Variants in NCKAP1L observed in about 807,000 individuals in gnomAD.
NCKAP1L encodes nck-associated protein 1-like.
In NCKAP1L, 53 loss-of-function variants were observed where a neutral mutation model predicts 139.2. That is an observed-to-expected ratio of 0.38 (90% CI 0.31 to 0.48). The LOEUF (loss-of-function observed/expected upper bound fraction) is 0.48, where lower values mean the gene tolerates loss of function less well. Ranked by LOEUF, NCKAP1L falls within the 20% of genes least tolerant of loss-of-function variation. The probability of loss-of-function intolerance (pLI) is 0.98; values close to 1 mark genes in which losing one functional copy is unlikely to be tolerated. For synonymous variants in NCKAP1L, 468 were observed against 499.7 expected (o/e 0.94, Z 0.85); for missense variants, 1,151 against 1,381.9 (o/e 0.83, Z 2.65).
intron 21 of NCKAP1L, 61 bp downstream of exon 21, chr12:54,526,807 GGTA>G: frequency 2.1e-6 from 3 of 1,442,750 alleles, no homozygotes; most frequent in Non-Finnish European, 2.9e-6. Context: ...TCCTTTACAC[GGTA>G]GGACCTCAGG....
intron 20 of NCKAP1L, among the ~76,000 whole-genome samples, chr12:54,525,457 T>C (rs745874929): frequency 2.0e-5 from 3 of 152,162 alleles, no homozygotes; most frequent in Non-Finnish European, 4.4e-5. Flanking sequence ...AGTTTGATAA[T>C]GGCCCATGTG....
chr12:54,510,103 G>A, intron 7 of NCKAP1L, 118 bp downstream of exon 7: 1 of 1,343,098 alleles, frequency 7.4e-7, no homozygotes, highest in Non-Finnish European at 1.0e-6. Flanking sequence ...TCTTCTTCTA[G>A]GGTATGTCTC....
intron 28 of NCKAP1L, 199 bp downstream of exon 28, chr12:54,536,444 C>T (rs1018419119): frequency 2.1e-6 from 1 of 469,602 alleles, no homozygotes; most frequent in Non-Finnish European, 3.9e-6. Context: ...GTGGGTAGAT[C>T]ACTTGAGCCC....
intron 21 of NCKAP1L, 75 bp from the exon 22 acceptor site, chr12:54,528,172 A>G: frequency 6.5e-7 from 1 of 1,533,952 alleles, no homozygotes; most frequent in East Asian, 2.3e-5. Flanking sequence ...TTCTGAGCTC[A>G]GTGGTAGTAG....
At position 54,521,009 on chromosome 12, in the gene NCKAP1L, A is replaced by G. The variant is rs190984396; in HGVS notation, c.1759-110A>G. The G allele has an allele frequency of 3.2e-4, 497 of 1,547,272 alleles. 1 individual carries two copies. The African/African-American group carries it at 6.1e-3, about 19-fold the overall frequency. On this transcript the variant is annotated intron_variant, in intron 17 of 30. Transcript: ENST00000293373. ...GGCCTCAGTTTCTTCTTCTGTAGGA[A>G]TGGGTAGGAATCTTCTGTAAGATTC... is the stretch of plus-strand genomic sequence containing the variant.
chr12:54,543,750 G>A lies in NCKAP1L; in HGVS notation c.*1065G>A, dbSNP rs1313483877. 6.6e-6 allele frequency: 1 copy of A among 152,192 alleles called. No individual in the cohort carries two copies. Among genetic ancestry groups the A allele is most frequent in the Non-Finnish European group, 1.5e-5 (1 of 68,034 alleles). The allele number at this position is 152,192 out of a possible 1,614,324, so 9.4% of individuals were successfully genotyped here. ...ACAGAGCCTGGGGGCTTTCAAGATAGCACTAAACTAGGTTTACTTAACTCC... is the reference window on the plus strand; with the variant it reads ...ACAGAGCCTGGGGGCTTTCAAGATAACACTAAACTAGGTTTACTTAACTCC... On this transcript the variant is annotated 3_prime_UTR_variant, in exon 31 of 31. Coordinates refer to ENST00000293373, the MANE Select transcript of NCKAP1L (RefSeq NM_005337.5).
At position 54,533,229 on chromosome 12, in the gene NCKAP1L, C is replaced by A. The variant is rs1349821615; in HGVS notation, c.2862+979C>A. ...TCCAAATGCTCTAGGCTGTCAGGAG[C>A]TTGTCTAGCTGATATCTCCTGGGTA... On this transcript the variant is annotated intron_variant, in intron 26 of 30. Coordinates refer to ENST00000293373, the MANE Select transcript of NCKAP1L (RefSeq NM_005337.5). Among the ~76,000 whole-genome samples the A allele has an allele frequency of 2.6e-5, 4 of 152,282 alleles. No individual in the cohort carries two copies. The South Asian group carries it at 6.2e-4, about 24-fold the overall frequency.
chr12:54,514,503 A>G (rs1352258269), intron 9 of NCKAP1L, among the ~76,000 whole-genome samples: 1 of 151,954 alleles, frequency 6.6e-6, no homozygotes, highest in Non-Finnish European at 1.5e-5. Flanking sequence ...TTGTATTTTT[A>G]GTAGAGACGG....
intron 3 of NCKAP1L, among the ~76,000 whole-genome samples, chr12:54,501,654 G>T (rs1249391): frequency 0.8 from 121,710 of 152,064 alleles, 49,467 homozygotes; most frequent in East Asian, 1. Context: ...AAAGGCACAT[G>T]CCACCACACC....
At position 54,523,539 on chromosome 12, in the gene NCKAP1L, A is replaced by C. The variant is rs550339580; in HGVS notation, c.2024A>C (p.Asn675Thr). The C allele has an allele frequency of 1.6e-5, 26 of 1,612,170 alleles. 1 individual carries two copies. In the South Asian group the frequency reaches 2.9e-4, roughly 18 times the overall value. ...SHRKNRSIVT[N>T]MDKLHLNLTE... is the part of the protein sequence containing the mutation. ...CGGAAGAACCGCAGCATTGTCACCAAGTGAGGACCTGGGCCCTAGATGGCC... is the reference window on the plus strand; with the variant it reads ...CGGAAGAACCGCAGCATTGTCACCACGTGAGGACCTGGGCCCTAGATGGCC... Residue 675 changes from asparagine (N) to threonine (T), a missense_variant and splice_region_variant, in exon 19 of 31, where the codon AAC becomes ACC. By Grantham distance (65) the Asn-to-Thr change is moderately conservative. Coordinates refer to ENST00000293373, the MANE Select transcript of NCKAP1L (RefSeq NM_005337.5).
At chr12:54,513,045 A>G (rs939011430) in intron 9 of NCKAP1L, among the ~76,000 whole-genome samples, 3 of 152,202 alleles carry the variant, frequency 2.0e-5, no homozygotes, top group Non-Finnish European at 4.4e-5. Flanking sequence ...GTTTGAATCC[A>G]TCCCAAAGAG....
chr12:54,540,039 C>A (rs189597128), intron 30 of NCKAP1L, among the ~76,000 whole-genome samples: 1 of 152,314 alleles, frequency 6.6e-6, no homozygotes, highest in Non-Finnish European at 1.5e-5. Context: ...CTTCCCTTCA[C>A]CCTGTTCTGG....
rs753534065 is a variant in NCKAP1L, at chr12:54,499,456, A to G, written c.204A>G (p.Arg68=). The change falls in exon 2 of 31, where the codon CGA becomes CGG. Residue 68 remains arginine (R), a synonymous_variant. Coordinates refer to ENST00000293373, the MANE Select transcript of NCKAP1L (RefSeq NM_005337.5). ...AGAAATTTCCCAACATAGATGTCCG[A>G]AACAGCACGGTGAGAACTTGGTCCT... ...INKKFPNIDV[R]NSTQHLGPVH... 3.8e-6 allele frequency: 6 copies of G among 1,569,516 alleles called. No individual in the cohort carries two copies. Among genetic ancestry groups the G allele is most frequent in the Non-Finnish European group, 8.8e-7 (1 of 1,139,432 alleles).
rs766272206 is a variant in NCKAP1L at position 54,498,399 on chromosome 12, T to TTGTGTGTG, written c.102+536_102+543dup. ...CCTGGGGTAGTTCATGCTGTGGTGGTTGTGTGTGTGTGTGTGTGTGTGTGT... is the reference window on the plus strand; with the variant it reads ...CCTGGGGTAGTTCATGCTGTGGTGGTTGTGTGTGTGTGTGTGTGTGTGTGTGTGTGTGT... On this transcript the variant is annotated intron_variant, in intron 1 of 30. Coordinates refer to ENST00000293373, the MANE Select transcript of NCKAP1L (RefSeq NM_005337.5). 9.0e-3 allele frequency among the ~76,000 whole-genome samples: 1,278 copies of TTGTGTGTG among 142,372 alleles called. 15 individuals carry two copies. Among genetic ancestry groups the TTGTGTGTG allele is most frequent in the African/African-American group, 0.028 (1,079 of 38,670 alleles). 93.4% of individuals were successfully genotyped at this position (142,372 alleles called of 152,430 possible).
chr12:54,518,056 C>G, intron 13 of NCKAP1L, 118 bp downstream of exon 13: 2 of 1,247,628 alleles, frequency 1.6e-6, no homozygotes, highest in East Asian at 2.4e-5. Context: ...AAGGTCCAAT[C>G]TAGGCTGGGC....
intron 14 of NCKAP1L, 44 bp downstream of exon 14, chr12:54,518,776 A>T: frequency 6.4e-7 from 1 of 1,555,372 alleles, no homozygotes; most frequent in Non-Finnish European, 8.9e-7. Flanking sequence ...TGTGAGGATG[A>T]ACATCTTTTA....
At chr12:54,540,573 A>T (rs1488434209) in intron 30 of NCKAP1L, among the ~76,000 whole-genome samples, 1 of 152,202 alleles carries the variant, frequency 6.6e-6, no homozygotes, top group Non-Finnish European at 1.5e-5. Context: ...CTTATGATAG[A>T]GTGGTTAGAA....
At chr12:54,532,361 G>T in intron 26 of NCKAP1L, 111 bp downstream of exon 26, 1 of 704,360 alleles carries the variant, frequency 1.4e-6, no homozygotes. Context: ...TAGGGATAAG[G>T]GCGAGGGTTT....
chr12:54,501,858 G>A (rs1007544638), intron 3 of NCKAP1L, among the ~76,000 whole-genome samples: 2 of 152,074 alleles, frequency 1.3e-5, no homozygotes, highest in African/African-American at 2.4e-5. Flanking sequence ...TCTCACCAAC[G>A]GTGCATAAGG....
Sources: allele counts gnomAD v4.1 joint callset (sites outside exome capture counted in the v4.1 genomes callset), GRCh38; gene constraint gnomAD v4.1.1; transcripts MANE v1.5; gene names NCBI Gene and HGNC (gene_info 2026-07-23, HGNC 2026-07-21).